FAM178B: variants seen among roughly 807,000 people sequenced by gnomAD.
The protein encoded by FAM178B is family with sequence similarity 178 member B.
A neutral mutation model predicts 91.7 loss-of-function variants in FAM178B; 82 were observed. That is an observed-to-expected ratio of 0.89 (90% CI 0.75 to 1.07). The LOEUF is 1.07. Among genes scored for constraint, FAM178B ranks in the 50% least tolerant of loss-of-function variants. The probability of loss-of-function intolerance (pLI) is 0.00; values close to 1 mark genes in which losing one functional copy is unlikely to be tolerated. For synonymous variants in FAM178B, 368 were observed against 359.4 expected, an observed-to-expected ratio of 1.02 and a Z score of -0.27; for missense variants, 769 against 846.7, an observed-to-expected ratio of 0.91 and a Z score of 1.14.
chr2:96,949,121 G>T (rs940172905), intron 7 of FAM178B, among the ~76,000 whole-genome samples: 5 of 152,186 alleles, frequency 3.3e-5, no homozygotes, highest in African/African-American at 7.2e-5. Flanking sequence ...CTCCCGGCAA[G>T]GCTGGCCCAC....
intron 14 of FAM178B, among the ~76,000 whole-genome samples, chr2:96,879,590 C>T (rs184152194): frequency 2.0e-5 from 3 of 152,368 alleles, no homozygotes; most frequent in Non-Finnish European, 4.4e-5. Context: ...ATCCTGAGGT[C>T]GAAGGCCACC....
chr2:96,900,717 G>C (rs1163708736), intron 13 of FAM178B, among the ~76,000 whole-genome samples: 1 of 152,096 alleles, frequency 6.6e-6, no homozygotes, highest in African/African-American at 2.4e-5. Context: ...CCTGGGGGAA[G>C]CATTCAAGGC....
rs888674780 is a variant in FAM178B, at chr2:96,960,380, C to T, written c.795G>A (p.Glu265=). 2.3e-5 allele frequency: 36 copies of T among 1,551,824 alleles called. No homozygotes were observed. Among genetic ancestry groups the T allele is most frequent in the Non-Finnish European group, 3.1e-5 (36 of 1,147,044 alleles). Residue 265 remains glutamate (E), a synonymous_variant, in exon 6 of 17, where the codon GAG becomes GAA. Transcript: ENST00000490605. ...GGTGACACCTGGGCAGAAACACAGT[C>T]TCACCTGGATGGACCGGCGGGATGG... ...LQTIPPVHPG[E]TVFLPRCHPL... is the part of the protein sequence containing the mutation.
At chr2:96,886,254 G>A (rs1311538718) in intron 14 of FAM178B, among the ~76,000 whole-genome samples, 1 of 152,240 alleles carries the variant, frequency 6.6e-6, no homozygotes, top group African/African-American at 2.4e-5. Flanking sequence ...GACTCGAGGG[G>A]TGAACGTGTA....
At chr2:96,877,488 C>G (rs567433627) in intron 16 of FAM178B, among the ~76,000 whole-genome samples, 2 of 152,044 alleles carry the variant, frequency 1.3e-5, no homozygotes, top group East Asian at 3.9e-4. Flanking sequence ...CTGCAACCTC[C>G]GCCTCCTGGG....
At chr2:96,897,159 G>A (rs1411487922) in intron 13 of FAM178B, among the ~76,000 whole-genome samples, 2 of 152,110 alleles carry the variant, frequency 1.3e-5, no homozygotes, top group Non-Finnish European at 2.9e-5. Context: ...GAGCCACAGC[G>A]CTTGGCCCCT....
At chr2:96,978,825 C>T (rs534451218) in intron 1 of FAM178B, among the ~76,000 whole-genome samples, 4 of 151,926 alleles carry the variant, frequency 2.6e-5, no homozygotes, top group African/African-American at 9.7e-5. Context: ...CGGGGTTTCA[C>T]CATGTTAGCC....
At chr2:96,906,175 C>G (rs75328258) in intron 12 of FAM178B, among the ~76,000 whole-genome samples, 1 of 149,372 alleles carries the variant, frequency 6.7e-6, no homozygotes, top group Non-Finnish European at 1.5e-5. Flanking sequence ...TGAGCCACCG[C>G]GCCCAGCCAA....
chr2:96,947,761 G>C, intron 8 of FAM178B, 57 bp downstream of exon 8: 1 of 1,003,500 alleles, frequency 1.0e-6, no homozygotes, highest in Non-Finnish European at 1.5e-6. Flanking sequence ...TGAGAGTCAC[G>C]TATCACAGGC....
At chr2:96,966,470 T>C (rs1022157548) in intron 5 of FAM178B, among the ~76,000 whole-genome samples, 4 of 151,940 alleles carry the variant, frequency 2.6e-5, no homozygotes, top group Admixed American at 6.6e-5. Flanking sequence ...TGATCTTATT[T>C]ACTGCTTGTC....
chr2:96,973,532 G>A (rs2082251311), intron 1 of FAM178B, among the ~76,000 whole-genome samples: 1 of 152,104 alleles, frequency 6.6e-6, no homozygotes, highest in South Asian at 2.1e-4. Context: ...ATCTCCCATT[G>A]GATCGGACCC....
chr2:96,887,863 CTGGGT>C (rs1265591558), intron 14 of FAM178B, among the ~76,000 whole-genome samples: 2 of 149,864 alleles, frequency 1.3e-5, no homozygotes, highest in Non-Finnish European at 3.0e-5. Context: ...AGGACTGGGC[CTGGGT>C]GGGGTGGGGC....
intron 14 of FAM178B, among the ~76,000 whole-genome samples, chr2:96,885,023 A>G (rs1025954505): frequency 2.0e-5 from 3 of 152,246 alleles, no homozygotes; most frequent in African/African-American, 7.2e-5. Flanking sequence ...CGTCTTAGCC[A>G]GAGAGCAGAC....
chr2:96,978,019 C>A (rs1333931941), intron 1 of FAM178B: 10 of 405,960 alleles, frequency 2.5e-5, no homozygotes, highest in African/African-American at 1.3e-4. Context: ...TCATTGCTAA[C>A]GGAAAAAAAA....
chr2:96,890,315 T>C (rs914517322), intron 14 of FAM178B, among the ~76,000 whole-genome samples: 2 of 152,020 alleles, frequency 1.3e-5, no homozygotes, highest in African/African-American at 4.8e-5. Context: ...AATAAATAAA[T>C]AATTAGCCCG....
chr2:96,907,727 G>A (rs910469801), intron 12 of FAM178B, among the ~76,000 whole-genome samples: 2 of 152,204 alleles, frequency 1.3e-5, no homozygotes, highest in African/African-American at 4.8e-5. Flanking sequence ...CCTAGCCTCC[G>A]CAAGGGGCAC....
At chr2:96,969,430 C>T (rs1037795544) in intron 4 of FAM178B, among the ~76,000 whole-genome samples, 3 of 152,108 alleles carry the variant, frequency 2.0e-5, no homozygotes, top group South Asian at 2.1e-4. Flanking sequence ...CACCAGGAAC[C>T]GACTGACCAG....
At chr2:96,965,837 A>C (rs1340014911) in intron 5 of FAM178B, among the ~76,000 whole-genome samples, 1 of 151,958 alleles carries the variant, frequency 6.6e-6, no homozygotes, top group African/African-American at 2.4e-5. Flanking sequence ...GTCCCTTTTG[A>C]GTCCTCTCTT....
At chr2:96,943,790 CA>C (rs2081773839) in intron 8 of FAM178B, among the ~76,000 whole-genome samples, 1 of 152,158 alleles carries the variant, frequency 6.6e-6, no homozygotes, top group Non-Finnish European at 1.5e-5. Context: ...TCTTTGTTCC[CA>C]CTGCTCCCTG....
Sources: allele counts gnomAD v4.1 joint callset (sites outside exome capture counted in the v4.1 genomes callset), GRCh38; gene constraint gnomAD v4.1.1; transcripts MANE v1.5; gene names NCBI Gene and HGNC (gene_info 2026-07-23, HGNC 2026-07-21).